FAM83F: variants seen among roughly 807,000 people sequenced by gnomAD.
The protein encoded by FAM83F is scaffolding CK1 anchoring protein F.
A neutral mutation model predicts 42.9 loss-of-function variants in FAM83F; 45 were observed. The observed-to-expected ratio is 1.05, with a 90% CI of 0.83 to 1.35. The LOEUF is 1.35. Ranked by LOEUF, FAM83F falls within the 40% of genes most tolerant of loss-of-function variation. The pLI is 0.00. For synonymous variants in FAM83F, 306 were observed against 298.3 expected (o/e 1.03, Z -0.27); for missense variants, 617 against 695.9 (o/e 0.89, Z 1.28).
Position 40,022,900 on chromosome 22 carries a change from C to T in FAM83F, c.1453+937C>T, listed in dbSNP as rs576741687. Among the ~76,000 whole-genome samples, 62 of 152,298 alleles carry T rather than the reference C, an allele frequency of 4.1e-4. No homozygotes were observed. In the South Asian group the frequency reaches 0.011, roughly 26 times the overall value. ...TGCATTCCTGCACACCAGCTTTAAC[C>T]GGATTGTGATGGTGTGAGAGCAGGG... On this transcript the variant is annotated intron_variant, in intron 4 of 4. Coordinates refer to ENST00000333407, the MANE Select transcript of FAM83F (RefSeq NM_138435.4).
In FAM83F at chr22:40,022,624, A is replaced by G. The variant is rs928084230; in HGVS notation, c.1453+661A>G. ...GTTCCATGGCAGCGTCTTTCTGGGC[A>G]TCTCTCTGGGATCCCCAGGAGGCCC... On this transcript the variant is annotated intron_variant, in intron 4 of 4. Transcript: ENST00000333407. Among the ~76,000 whole-genome samples the G allele has an allele frequency of 1.5e-3, 225 of 152,100 alleles. 1 individual carries two copies. The highest frequency in any genetic ancestry group is 5.9e-4 in the Non-Finnish European group (40 of 67,996).
At chr22:40,002,505 T>G (rs2067407653) in intron 1 of FAM83F, among the ~76,000 whole-genome samples, 1 of 152,166 alleles carries the variant, frequency 6.6e-6, no homozygotes, top group South Asian at 2.1e-4. Context: ...TCTTGAAGGT[T>G]CACGGTAGCA....
intron 1 of FAM83F, among the ~76,000 whole-genome samples, chr22:40,013,934 T>C (rs2067480613): frequency 6.6e-6 from 1 of 151,874 alleles, no homozygotes; most frequent in Non-Finnish European, 1.5e-5. Flanking sequence ...CTTTTTTCTT[T>C]CTTTTGGTTG....
At chr22:40,011,208 T>G (rs1228919721) in intron 1 of FAM83F, among the ~76,000 whole-genome samples, 1 of 152,200 alleles carries the variant, frequency 6.6e-6, no homozygotes, top group Non-Finnish European at 1.5e-5. Flanking sequence ...GTTTTGTTTT[T>G]TGAGATGGAG....
rs1735967724 is a variant in FAM83F, at chr22:40,043,394, A to T, written c.*13829A>T. 6.6e-6 allele frequency: 1 copy of T among 152,236 alleles called. No individual in the cohort carries two copies. The highest frequency in any genetic ancestry group is 2.1e-4 in the South Asian group (1 of 4,834). 9.4% of individuals were successfully genotyped at this position (152,236 alleles called of 1,614,324 possible). A position where few individuals can be genotyped will look rare whatever the true frequency, so the allele number is the denominator to read the frequency against. ...TGGCTGAAATGTTGGATTCACTTCGATGAATGCTGCTATAGGGAAAGAACC... is the reference window on the plus strand; with the variant it reads ...TGGCTGAAATGTTGGATTCACTTCGTTGAATGCTGCTATAGGGAAAGAACC... On this transcript the variant is annotated 3_prime_UTR_variant, in exon 5 of 5. Coordinates refer to ENST00000333407, the MANE Select transcript of FAM83F (RefSeq NM_138435.4).
intron 1 of FAM83F, among the ~76,000 whole-genome samples, chr22:39,997,400 A>T (rs147656564): frequency 8.6e-4 from 131 of 152,352 alleles, no homozygotes; most frequent in Middle Eastern, 6.8e-3. Flanking sequence ...ATATTTAACA[A>T]CAGAAACTTT....
At position 40,019,220 on chromosome 22, in the gene FAM83F, T is replaced by C; in HGVS notation, c.542T>C (p.Ile181Thr). The change falls in exon 2 of 5, where the codon ATT becomes ACT. Residue 181 changes from isoleucine (I) to threonine (T), a missense_variant. By Grantham distance (89) the Ile-to-Thr change is moderately conservative. Coordinates refer to ENST00000333407, the MANE Select transcript of FAM83F (RefSeq NM_138435.4). The part of the protein sequence containing the change: ...LFTDGDIFQD[I>T]VDAACKRRVP... ...ACTGATGGTGATATCTTTCAAGACA[T>C]TGTGGATGCTGCCTGTAAGCGCCGG... The C allele has an allele frequency of 6.2e-7, 1 of 1,614,204 alleles. No homozygotes were observed. The highest frequency in any genetic ancestry group is 2.2e-5 in the East Asian group (1 of 44,894).
In FAM83F at chr22:39,997,592, T is replaced by A. The variant is rs564922101; in HGVS notation, c.489+2061T>A. Among the ~76,000 whole-genome samples the A allele has an allele frequency of 3.9e-5, 6 of 152,264 alleles. No homozygotes were observed. In the South Asian group the frequency reaches 1.2e-3, roughly 32 times the overall value. On this transcript the variant is annotated intron_variant, in intron 1 of 4. Transcript: ENST00000333407. ...AGTTTTTAAGGCTGAATGTGCCTAATCTGGGAAGGCTTCCTGAGGGAGGTG... is the reference window on the plus strand; with the variant it reads ...AGTTTTTAAGGCTGAATGTGCCTAAACTGGGAAGGCTTCCTGAGGGAGGTG...
At chr22:40,015,565 C>T (rs61259794) in intron 1 of FAM83F, among the ~76,000 whole-genome samples, 9,574 of 152,170 alleles carry the variant, frequency 0.063, 993 homozygotes, top group African/African-American at 0.22. Flanking sequence ...CCTGGGCAGA[C>T]GCAGCTCCCA....
rs1347067845 is a variant in FAM83F, at chr22:40,040,430, A to C, written c.*10865A>C. 2.0e-5 allele frequency: 3 copies of C among 152,180 alleles called. No homozygotes were observed. Among genetic ancestry groups the C allele is most frequent in the African/African-American group, 7.2e-5 (3 of 41,434 alleles). The allele number at this position is 152,180 out of a possible 1,614,324, so 9.4% of individuals were successfully genotyped here. On this transcript the variant is annotated 3_prime_UTR_variant, in exon 5 of 5. Coordinates refer to ENST00000333407, the MANE Select transcript of FAM83F (RefSeq NM_138435.4). ...TCAGTACAGTGTATGACACACAGCAAGTGTCCACCAAAGGGTAGTTATTAT... is the reference window on the plus strand; with the variant it reads ...TCAGTACAGTGTATGACACACAGCACGTGTCCACCAAAGGGTAGTTATTAT...
intron 1 of FAM83F, among the ~76,000 whole-genome samples, chr22:40,003,298 C>A (rs2067411237): frequency 6.6e-6 from 1 of 152,160 alleles, no homozygotes; most frequent in Non-Finnish European, 1.5e-5. Flanking sequence ...GGGACTTACG[C>A]CCCTCCCTGA....
chr22:40,009,099 C>T (rs1226963603), intron 1 of FAM83F, among the ~76,000 whole-genome samples: 3 of 152,120 alleles, frequency 2.0e-5, no homozygotes, highest in South Asian at 4.1e-4. Flanking sequence ...TGTGGGATTT[C>T]GTGGGCATGA....
intron 2 of FAM83F, 106 bp from the exon 3 acceptor site, chr22:40,019,781 T>C (rs2067509552): frequency 1.4e-6 from 2 of 1,440,812 alleles, no homozygotes; most frequent in African/African-American, 1.4e-5. Context: ...GACAGGAGCC[T>C]GCAGGCAGGG....
In FAM83F at chr22:40,019,269, C is replaced by T. The variant is rs141929176; in HGVS notation, c.591C>T (p.Asp197=). 1.0e-4 allele frequency: 169 copies of T among 1,614,170 alleles called. No homozygotes were observed. In the African/African-American group the frequency reaches 1.2e-3, roughly 11 times the overall value. ...GGGTCCCAGTGTACATCATCCTGGACGAGGCAGGAGTGAAGTATTTCCTGG... is the reference window on the plus strand; with the variant it reads ...GGGTCCCAGTGTACATCATCCTGGATGAGGCAGGAGTGAAGTATTTCCTGG... ...KRRVPVYIIL[D]EAGVKYFLEM... The change falls in exon 2 of 5, where the codon GAC becomes GAT. Residue 197 remains aspartate, a synonymous_variant. Coordinates refer to ENST00000333407, the MANE Select transcript of FAM83F (RefSeq NM_138435.4).
At chr22:40,011,580 T>C (rs984806246) in intron 1 of FAM83F, among the ~76,000 whole-genome samples, 1 of 152,190 alleles carries the variant, frequency 6.6e-6, no homozygotes, top group Admixed American at 6.5e-5. Context: ...CGCTGAGGCC[T>C]GTAGTGTGTT....
At chr22:40,024,288 C>T (rs1382180499) in intron 4 of FAM83F, among the ~76,000 whole-genome samples, 1 of 152,198 alleles carries the variant, frequency 6.6e-6, no homozygotes, top group African/African-American at 2.4e-5. Context: ...CAAGCCACCG[C>T]GCCTGGCCAG....
rs1235533623 is a variant in FAM83F at position 40,019,179 on chromosome 22, G to A, written c.501G>A (p.Val167=). ...MIQQAQKVIA[V]VMDLFTDGDI... ...CTTTCCCCACCCAGGTCATTGCTGT[G>A]GTCATGGACCTCTTCACTGATGGTG... The change falls in exon 2 of 5, where the codon GTG becomes GTA. Residue 167 remains valine (V), a synonymous_variant. Transcript: ENST00000333407. The A allele has an allele frequency of 6.2e-7, 1 of 1,613,942 alleles. No individual in the cohort carries two copies. Among genetic ancestry groups the A allele is most frequent in the Non-Finnish European group, 8.5e-7 (1 of 1,180,026 alleles).
Position 40,033,124 on chromosome 22 carries a change from G to A in FAM83F, c.*3559G>A, listed in dbSNP as rs780665860. Reference sequence around the variant, plus strand: ...TTTTGAGACAATGTCTTGCTCTGTCGATCAGGCTGGAGTGCAGTGGCGTCA... The same window carrying A: ...TTTTGAGACAATGTCTTGCTCTGTCAATCAGGCTGGAGTGCAGTGGCGTCA... On this transcript the variant is annotated 3_prime_UTR_variant, in exon 5 of 5. Coordinates refer to ENST00000333407, the MANE Select transcript of FAM83F (RefSeq NM_138435.4). 2 of 151,876 alleles carry A rather than the reference G, an allele frequency of 1.3e-5. No individual in the cohort carries two copies. Among genetic ancestry groups the A allele is most frequent in the African/African-American group, 4.8e-5 (2 of 41,334 alleles). The allele number at this position is 151,876 out of a possible 1,614,324, so 9.4% of individuals were successfully genotyped here. A position where few individuals can be genotyped will look rare whatever the true frequency, so the allele number is the denominator to read the frequency against.
chr22:40,005,899 T>C (rs2067425205), intron 1 of FAM83F, among the ~76,000 whole-genome samples: 1 of 152,174 alleles, frequency 6.6e-6, no homozygotes, highest in Admixed American at 6.5e-5. Context: ...GAAGCACAGA[T>C]GCTCTGCTGC....
Sources: allele counts gnomAD v4.1 joint callset (sites outside exome capture counted in the v4.1 genomes callset), GRCh38; gene constraint gnomAD v4.1.1; transcripts MANE v1.5; gene names NCBI Gene and HGNC (gene_info 2026-07-23, HGNC 2026-07-21).